The following MAMDC2 variants were observed in gnomAD, a reference collection of about 807,000 sequenced individuals.
MAMDC2 encodes MAM domain containing 2.
MAMDC2 carries 57 observed loss-of-function variants against 89.8 expected under a neutral mutation model. The ratio of observed to expected loss-of-function variants is 0.63; its 90% confidence interval spans 0.51 to 0.79. The LOEUF is 0.79. MAMDC2 is among the 30% of genes least tolerant of loss of function. The pLI is 0.00. For missense variants in MAMDC2, 800 were observed against 820.6 expected (o/e 0.97, Z 0.31); for synonymous variants, 313 against 293.4 (o/e 1.07, Z -0.68).
Position 70,218,541 on chromosome 9 carries a change from A to G in MAMDC2, c.1856A>G (p.Gln619Arg), listed in dbSNP as rs2033492716. ...ESLLWRRRGE[Q>R]SISWLRALIE... ...CTCTTATGGAGGAGAAGAGGTGAAC[A>G]GAGCATTTCCTGGCTACGAGCACTG... The change falls in exon 12 of 14, where the codon CAG (glutamine) becomes CGG (arginine). Residue 619 changes from glutamine to arginine, a missense_variant. Physicochemically the swap from Gln to Arg is conservative, Grantham distance 43 (BLOSUM62 1). Coordinates refer to ENST00000377182, the MANE Select transcript of MAMDC2 (RefSeq NM_153267.5). 2 of 1,614,090 alleles carry G rather than the reference A, an allele frequency of 1.2e-6. No homozygotes were observed. Among genetic ancestry groups the G allele is most frequent in the Non-Finnish European group, 1.7e-6 (2 of 1,180,030 alleles).
At chr9:70,132,530 AATT>A (rs1414873020) in intron 7 of MAMDC2, among the ~76,000 whole-genome samples, 1 of 46,316 alleles carries the variant, frequency 2.2e-5, no homozygotes, top group African/African-American at 7.3e-5. Flanking sequence ...GGGACTAAGA[AATT>A]TTTTTTTTTT....
intron 7 of MAMDC2, among the ~76,000 whole-genome samples, chr9:70,136,386 C>T (rs1375056522): frequency 6.6e-6 from 1 of 152,118 alleles, no homozygotes; most frequent in Non-Finnish European, 1.5e-5. Context: ...TTCTTCTTAG[C>T]GCTGAGTGAT....
At chr9:70,118,691 G>A (rs185211396) in intron 5 of MAMDC2, among the ~76,000 whole-genome samples, 1 of 152,238 alleles carries the variant, frequency 6.6e-6, no homozygotes, top group East Asian at 1.9e-4. Context: ...TCATATACCG[G>A]ACGCAGCTTT....
intron 11 of MAMDC2, among the ~76,000 whole-genome samples, chr9:70,192,439 C>A (rs1255732147): frequency 6.6e-6 from 1 of 152,148 alleles, no homozygotes; most frequent in Non-Finnish European, 1.5e-5. Flanking sequence ...TGGCCTCTTA[C>A]AACATATTCT....
At chr9:70,070,538 G>C (rs1587443175) in intron 2 of MAMDC2, among the ~76,000 whole-genome samples, 1 of 152,316 alleles carries the variant, frequency 6.6e-6, no homozygotes, top group East Asian at 1.9e-4. Flanking sequence ...CCAGAGATTT[G>C]CATCATTGAA....
chr9:70,226,202 T>A lies in MAMDC2; in HGVS notation c.*170T>A, dbSNP rs1323340051. 1 of 450,968 alleles carries A rather than the reference T, an allele frequency of 2.2e-6. No individual in the cohort carries two copies. The highest frequency in any genetic ancestry group is 4.0e-5 in the Admixed American group (1 of 24,812). 27.9% of individuals were successfully genotyped at this position (450,968 alleles called of 1,614,324 possible). A position where few individuals can be genotyped will look rare whatever the true frequency, so the allele number is the denominator to read the frequency against. On this transcript the variant is annotated 3_prime_UTR_variant, in exon 14 of 14. Coordinates refer to ENST00000377182, the MANE Select transcript of MAMDC2 (RefSeq NM_153267.5). ...AAAACATACTGACTCAGGGCTCTTTTTTTCTTTTTGCATATGACAACTGTT... is the reference window on the plus strand; with the variant it reads ...AAAACATACTGACTCAGGGCTCTTTATTTCTTTTTGCATATGACAACTGTT...
At chr9:70,116,781 G>T (rs550837562) in intron 5 of MAMDC2, among the ~76,000 whole-genome samples, 29 of 152,206 alleles carry the variant, frequency 1.9e-4, no homozygotes, top group African/African-American at 7.0e-4. Context: ...GACCAGAAGG[G>T]TCAAGACGTA....
At chr9:70,052,072 A>G (rs773291756) in intron 2 of MAMDC2, among the ~76,000 whole-genome samples, 8 of 152,232 alleles carry the variant, frequency 5.3e-5, no homozygotes, top group Non-Finnish European at 1.0e-4. Flanking sequence ...AAATGGGACC[A>G]GACTTGGCAT....
At chr9:70,127,961 A>G (rs1256882707) in intron 6 of MAMDC2, among the ~76,000 whole-genome samples, 1 of 152,184 alleles carries the variant, frequency 6.6e-6, no homozygotes, top group Non-Finnish European at 1.5e-5. Context: ...GTCTGAATCA[A>G]ATGTTGCTGA....
rs1382728923 is a variant in MAMDC2, at chr9:70,130,659, C to T, written c.901-860C>T. 2.6e-5 allele frequency among the ~76,000 whole-genome samples: 4 copies of T among 152,084 alleles called. No individual in the cohort carries two copies. The East Asian group carries it at 7.7e-4, about 29-fold the overall frequency. On this transcript the variant is annotated intron_variant, in intron 6 of 13. Transcript: ENST00000377182. ...GGAACATACCTGGACATGCTGAGAT[C>T]GGGGTTCTCACCTCTGACTGCTGCA...
At chr9:70,201,925 C>G (rs1259753553) in intron 11 of MAMDC2, among the ~76,000 whole-genome samples, 1 of 142,860 alleles carries the variant, frequency 7.0e-6, no homozygotes, top group Non-Finnish European at 1.5e-5. Context: ...TTTATTGTGT[C>G]TATTTGATTC....
chr9:70,055,154 G>C (rs938320698), intron 2 of MAMDC2, among the ~76,000 whole-genome samples: 3 of 152,204 alleles, frequency 2.0e-5, no homozygotes, highest in Non-Finnish European at 4.4e-5. Context: ...TTCTGTTATA[G>C]AAGTAGTTCC....
intron 2 of MAMDC2, among the ~76,000 whole-genome samples, chr9:70,047,437 G>A (rs1187372023): frequency 1.3e-5 from 2 of 152,052 alleles, no homozygotes; most frequent in African/African-American, 4.8e-5. Flanking sequence ...CCACTTATGA[G>A]TGAGAACATG....
At position 70,225,835 on chromosome 9, in the gene MAMDC2, G is replaced by C. The variant is rs781519658; in HGVS notation, c.1996+1G>C. 8 of 1,602,370 alleles carry C rather than the reference G, an allele frequency of 5.0e-6. 1 individual carries two copies. The South Asian group carries it at 8.8e-5, about 18-fold the overall frequency. On this transcript the variant is annotated splice_donor_variant, in intron 13 of 13. Coordinates refer to ENST00000377182, the MANE Select transcript of MAMDC2 (RefSeq NM_153267.5). LOFTEE classifies it high-confidence loss of function. ...AAATTTCAGGCAGGACCCTGTGGAG[G>C]TAATATTTTTTCCCAATCATATAAG...
rs768733600 is a variant in MAMDC2, at chr9:70,170,578, G to A, written c.1598G>A (p.Gly533Glu). The change falls in exon 11 of 14, where the codon GGA becomes GAA. Residue 533 changes from glycine (G) to glutamate (E), a missense_variant. Transcript: ENST00000377182. ...CGGAGCAGCTGGCACAGGAGGAGGG[G>A]AGAAACTCCCACTTCCTACACAGGA... ...RNRSSWHRRR[G>E]ETPTSYTGPK... 1.2e-6 allele frequency: 2 copies of A among 1,612,794 alleles called. No individual in the cohort carries two copies. Among genetic ancestry groups the A allele is most frequent in the Admixed American group, 1.7e-5 (1 of 59,920 alleles).
chr9:70,164,833 C>G (rs115222264), intron 9 of MAMDC2, among the ~76,000 whole-genome samples: 1,607 of 151,760 alleles, frequency 0.011, 28 homozygotes, highest in African/African-American at 0.037. Flanking sequence ...AGAGATGGAA[C>G]CTCTCTATGC....
At chr9:70,072,984 T>A (rs1306458600) in intron 2 of MAMDC2, among the ~76,000 whole-genome samples, 2 of 152,116 alleles carry the variant, frequency 1.3e-5, no homozygotes, top group African/African-American at 4.8e-5. Flanking sequence ...TACAGGCATG[T>A]GCCACCACAC....
At chr9:70,177,891 T>A (rs1161352458) in intron 11 of MAMDC2, among the ~76,000 whole-genome samples, 1 of 152,090 alleles carries the variant, frequency 6.6e-6, no homozygotes. Flanking sequence ...CAAAGCAGAG[T>A]GTCTTCTCCT....
chr9:70,208,244 T>C (rs902561885), intron 11 of MAMDC2, among the ~76,000 whole-genome samples: 2 of 152,240 alleles, frequency 1.3e-5, no homozygotes, highest in Non-Finnish European at 2.9e-5. Flanking sequence ...TTTCATGATA[T>C]TGATTCTTCC....
Sources: allele counts gnomAD v4.1 joint callset (sites outside exome capture counted in the v4.1 genomes callset), GRCh38; gene constraint gnomAD v4.1.1; transcripts MANE v1.5; gene names NCBI Gene and HGNC (gene_info 2026-07-23, HGNC 2026-07-21).